Variants in GSG1L observed in about 807,000 individuals in gnomAD.
GSG1L encodes the protein GSG1 like, also known as germ cell-specific gene 1-like protein.
A neutral mutation model predicts 42.1 loss-of-function variants in GSG1L; 24 were observed. The ratio of observed to expected loss-of-function variants is 0.57; its 90% CI spans 0.41 to 0.80. The LOEUF (loss-of-function observed/expected upper bound fraction) is 0.80, where lower values mean the gene tolerates loss of function less well. Ranked by LOEUF, GSG1L falls within the 30% of genes least tolerant of loss-of-function variation. The pLI is 0.00. For missense variants in GSG1L, 445 were observed against 472.2 expected, an observed-to-expected ratio of 0.94 and a Z score of 0.53; for synonymous variants, 215 against 203.5, an observed-to-expected ratio of 1.06 and a Z score of -0.48.
intron 1 of GSG1L, among the ~76,000 whole-genome samples, chr16:28,021,111 G>A (rs1470172069): frequency 1.3e-5 from 2 of 152,192 alleles, no homozygotes; most frequent in Non-Finnish European, 2.9e-5. Flanking sequence ...ACCGGAGACT[G>A]GGTAATTTAT....
chr16:27,848,598 T>C (rs140699776), intron 3 of GSG1L, among the ~76,000 whole-genome samples: 57 of 152,196 alleles, frequency 3.7e-4, no homozygotes, highest in African/African-American at 1.3e-3. Flanking sequence ...TTAACGGGCA[T>C]GGGTTCTAGT....
At chr16:27,991,182 T>G (rs940134023) in intron 1 of GSG1L, among the ~76,000 whole-genome samples, 8 of 152,202 alleles carry the variant, frequency 5.3e-5, no homozygotes, top group African/African-American at 1.9e-4. Flanking sequence ...CCTTGACAGT[T>G]GTTTCTGAGC....
chr16:27,960,208 A>G (rs535009377), intron 2 of GSG1L, among the ~76,000 whole-genome samples: 1 of 152,332 alleles, frequency 6.6e-6, no homozygotes, highest in Non-Finnish European at 1.5e-5. Flanking sequence ...CCCCAGGCTC[A>G]GAAGCCCTAA....
chr16:27,867,837 G>A (rs1340679614), intron 3 of GSG1L, among the ~76,000 whole-genome samples: 2 of 152,094 alleles, frequency 1.3e-5, no homozygotes, highest in Non-Finnish European at 2.9e-5. Context: ...CCACTTCCTG[G>A]CCACGCCCCT....
intron 1 of GSG1L, among the ~76,000 whole-genome samples, chr16:27,976,459 C>G (rs12927375): frequency 0.26 from 39,274 of 152,056 alleles, 5,422 homozygotes; most frequent in East Asian, 0.49. Context: ...CTTCATAAAT[C>G]GTCTTTCTCA....
chr16:27,969,357 A>C (rs1158235981), intron 1 of GSG1L, among the ~76,000 whole-genome samples: 1 of 152,202 alleles, frequency 6.6e-6, no homozygotes, highest in Non-Finnish European at 1.5e-5. Flanking sequence ...ATTTCATGTA[A>C]ATGGAATCTT....
chr16:27,822,037 G>A (rs1263644447), intron 5 of GSG1L, among the ~76,000 whole-genome samples: 1 of 152,056 alleles, frequency 6.6e-6, no homozygotes, highest in Non-Finnish European at 1.5e-5. Context: ...TTTCAGGCAG[G>A]GAGTGTATCT....
At chr16:27,937,499 C>G (rs748669966) in intron 2 of GSG1L, among the ~76,000 whole-genome samples, 1 of 152,226 alleles carries the variant, frequency 6.6e-6, no homozygotes, top group African/African-American at 2.4e-5. Flanking sequence ...GCCTTGGCCT[C>G]CCAAGGTGCT....
At chr16:27,923,547 C>T (rs1368085932) in intron 2 of GSG1L, among the ~76,000 whole-genome samples, 1 of 152,218 alleles carries the variant, frequency 6.6e-6, no homozygotes, top group Admixed American at 6.5e-5. Context: ...GAGTTTGAGA[C>T]CAGCCTGGCC....
chr16:28,013,313 G>C (rs1395019406), intron 1 of GSG1L, among the ~76,000 whole-genome samples: 2 of 152,144 alleles, frequency 1.3e-5, no homozygotes, highest in Non-Finnish European at 2.9e-5. Context: ...TTTATGGAGA[G>C]TTATACAGTA....
At chr16:27,926,506 T>C (rs1382359584) in intron 2 of GSG1L, among the ~76,000 whole-genome samples, 1 of 129,096 alleles carries the variant, frequency 7.7e-6, no homozygotes, top group African/African-American at 2.7e-5. Context: ...CTATCTGTGC[T>C]GAAAAAAAAA....
intron 1 of GSG1L, among the ~76,000 whole-genome samples, chr16:28,034,316 A>G (rs548193464): frequency 8.3e-5 from 12 of 144,108 alleles, no homozygotes; most frequent in Non-Finnish European, 1.6e-4. Context: ...TCCTATCCCT[A>G]TGGTCCCGAG....
At chr16:27,914,530 A>ATTTTTT (rs34120581) in intron 2 of GSG1L, among the ~76,000 whole-genome samples, 2 of 139,606 alleles carry the variant, frequency 1.4e-5, no homozygotes, top group Non-Finnish European at 1.5e-5. Context: ...TTTCTTTTCT[A>ATTTTTT]TTTTTTTTTT....
At chr16:27,805,949 C>A (rs373816850) in intron 6 of GSG1L, among the ~76,000 whole-genome samples, 3 of 152,064 alleles carry the variant, frequency 2.0e-5, no homozygotes, top group African/African-American at 7.2e-5. Context: ...CTCTTTCTAC[C>A]CAGGATTTCC....
At chr16:27,826,685 T>A (rs1386657141) in intron 5 of GSG1L, among the ~76,000 whole-genome samples, 1 of 151,948 alleles carries the variant, frequency 6.6e-6, no homozygotes, top group Non-Finnish European at 1.5e-5. Context: ...CACCCAAGGG[T>A]GGGAAGGTGG....
chr16:27,937,303 T>A (rs1045247260), intron 2 of GSG1L, among the ~76,000 whole-genome samples: 1 of 151,146 alleles, frequency 6.6e-6, no homozygotes, highest in Non-Finnish European at 1.5e-5. Context: ...AGTGGTGTGA[T>A]CTCGGCTCAC....
Position 27,947,616 on chromosome 16 carries a change from A to C in GSG1L, c.397+15540T>G, listed in dbSNP as rs76184721. ...AAGAAAGAAAAAGAAAGAAAGAAAAAGAAAAGTTCTCTGTGGGTTGTGTGA... is the reference window on the plus strand; with the variant it reads ...AAGAAAGAAAAAGAAAGAAAGAAAACGAAAAGTTCTCTGTGGGTTGTGTGA... On this transcript the variant is annotated intron_variant, in intron 2 of 6. Coordinates refer to ENST00000447459, the MANE Select transcript of GSG1L (RefSeq NM_001109763.2). 1.4e-3 allele frequency among the ~76,000 whole-genome samples: 207 copies of C among 151,836 alleles called. 3 individuals carry two copies. Among genetic ancestry groups the C allele is most frequent in the African/African-American group, 4.7e-3 (194 of 41,414 alleles).
intron 2 of GSG1L, among the ~76,000 whole-genome samples, chr16:27,902,407 G>A (rs1295653630): frequency 1.3e-5 from 2 of 152,214 alleles, no homozygotes; most frequent in Admixed American, 1.3e-4. Context: ...GGTGACATTT[G>A]TGGGGAGGGA....
intron 5 of GSG1L, among the ~76,000 whole-genome samples, chr16:27,822,734 T>A (rs765665701): frequency 4.5e-4 from 68 of 152,126 alleles, no homozygotes; most frequent in Non-Finnish European, 9.0e-4. Flanking sequence ...TGTTAATAAT[T>A]AATACCGTAA....
Sources: gnomAD v4.1 joint callset for allele counts (sites outside exome capture counted in the v4.1 genomes callset) on GRCh38, gnomAD v4.1.1 for gene constraint, MANE v1.5 for transcripts, NCBI Gene and HGNC (gene_info 2026-07-23, HGNC 2026-07-21) for gene names.